Variants in ITGAX observed in about 807,000 individuals in gnomAD.
ITGAX encodes integrin alpha-X.
A neutral mutation model predicts 140.2 loss-of-function variants in ITGAX; 99 were observed. The ratio of observed to expected loss-of-function variants is 0.71; its 90% CI spans 0.60 to 0.83. ITGAX has a LOEUF of 0.83. Ranked by LOEUF, ITGAX falls within the 40% of genes least tolerant of loss-of-function variation. The pLI, the probability that ITGAX is intolerant of heterozygous loss-of-function variation, is 0.00. For missense variants in ITGAX, 1,444 were observed against 1,482.0 expected (o/e 0.97, Z 0.42); for synonymous variants, 631 against 600.4 (o/e 1.05, Z -0.75).
intron 14 of ITGAX, 87 bp downstream of exon 14, chr16:31,363,461 C>T: frequency 6.9e-7 from 1 of 1,451,998 alleles, no homozygotes; most frequent in Non-Finnish European, 9.7e-7. Flanking sequence ...CCCTTTTTAC[C>T]TTTTCCTACC....
intron 17 of ITGAX, 43 bp from the exon 18 acceptor site, chr16:31,372,335 A>T (rs569648566): frequency 1.3e-6 from 2 of 1,574,046 alleles, no homozygotes; most frequent in South Asian, 1.2e-5. Context: ...CGCAGCTCTT[A>T]CCCTCCCCTT....
At chr16:31,375,190 AT>A (rs1445516344) in intron 20 of ITGAX, among the ~76,000 whole-genome samples, 1 of 152,110 alleles carries the variant, frequency 6.6e-6, no homozygotes, top group African/African-American at 2.4e-5. Context: ...TAAGTTTTGC[AT>A]TTTTAGTAGA....
intron 25 of ITGAX, 37 bp downstream of exon 25, chr16:31,379,901 C>T (rs2081052620): frequency 1.2e-6 from 2 of 1,609,154 alleles, no homozygotes; most frequent in Non-Finnish European, 1.7e-6. Flanking sequence ...CCACGAATGC[C>T]CTTTCTACCT....
Position 31,380,997 on chromosome 16 carries a change from T to A in ITGAX, c.3377T>A (p.Val1126Glu). The change falls in exon 29 of 30, where the codon GTA (valine) becomes GAA (glutamate). Residue 1126 changes from valine (V) to glutamate (E), a missense_variant. Coordinates refer to ENST00000268296, the MANE Select transcript of ITGAX (RefSeq NM_000887.5). ...TTGCTGCTGGCACTCATCACAGCGG[T>A]ACTGTACAAAGTGAGTGTTTTATGC... is the stretch of plus-strand genomic sequence containing the variant. ...GLLLLALITAVLYKVGFFKRQ... is the reference protein window; with the variant it reads ...GLLLLALITAELYKVGFFKRQ... 1.2e-5 allele frequency: 20 copies of A among 1,613,244 alleles called. No homozygotes were observed. Among genetic ancestry groups the A allele is most frequent in the Non-Finnish European group, 1.6e-5 (19 of 1,179,206 alleles).
In ITGAX at chr16:31,372,675, G is replaced by C; in HGVS notation, c.2366+5G>C. 6.2e-7 allele frequency: 1 copy of C among 1,613,586 alleles called. No homozygotes were observed. Among genetic ancestry groups the C allele is most frequent in the Non-Finnish European group, 8.5e-7 (1 of 1,179,680 alleles). On this transcript the variant is annotated splice_donor_5th_base_variant and intron_variant, in intron 19 of 29. Transcript: ENST00000268296. ...CATCTCCTTCAGCTTCCCAGGGTGA[G>C]CGCCCCCACCTTAGACCTGCCCTAC...
At chr16:31,370,774 G>C (rs192571226) in intron 14 of ITGAX, among the ~76,000 whole-genome samples, 318 of 152,288 alleles carry the variant, frequency 2.1e-3, no homozygotes, top group African/African-American at 7.4e-3. Flanking sequence ...CGGAGGCACA[G>C]ACAGATTGAG....
chr16:31,366,807 C>G (rs1453243808), intron 14 of ITGAX, among the ~76,000 whole-genome samples: 1 of 152,216 alleles, frequency 6.6e-6, no homozygotes, highest in Non-Finnish European at 1.5e-5. Flanking sequence ...TGGGCCACCA[C>G]GTCTGGCCAC....
intron 29 of ITGAX, among the ~76,000 whole-genome samples, chr16:31,381,512 T>C (rs2081068577): frequency 6.6e-6 from 1 of 152,098 alleles, no homozygotes; most frequent in South Asian, 2.1e-4. Context: ...CTGGCCTACC[T>C]GGTGAAACCC....
At chr16:31,373,427 G>A (rs2080992056) in intron 20 of ITGAX, 37 bp downstream of exon 20, 1 of 1,591,546 alleles carries the variant, frequency 6.3e-7, no homozygotes, top group Non-Finnish European at 8.6e-7. Context: ...GGCAGGGCTG[G>A]GCGTTAGCGT....
At chr16:31,378,234 C>T (rs1391228689) in intron 23 of ITGAX, among the ~76,000 whole-genome samples, 3 of 152,190 alleles carry the variant, frequency 2.0e-5, no homozygotes, top group Non-Finnish European at 4.4e-5. Context: ...TGGGAAGGGG[C>T]AATGCTCAGT....
rs140697269 is a variant in ITGAX at position 31,376,906 on chromosome 16, C to A, written c.2616C>A (p.Gly872=). 972 of 1,614,208 alleles carry A rather than the reference C, an allele frequency of 6.0e-4. No individual in the cohort carries two copies. Among genetic ancestry groups the A allele is most frequent in the Admixed American group, 1.1e-3 (65 of 60,022 alleles). Reference sequence around the variant, plus strand: ...GAATCAACCACCTCATCTTCCGTGGCGGCGCCCAGGTCAGCCTGGCTTCTG... The same window carrying A: ...GAATCAACCACCTCATCTTCCGTGGAGGCGCCCAGGTCAGCCTGGCTTCTG... The part of the protein sequence containing the change: ...SCRINHLIFR[G]GAQITFLATF... The change falls in exon 21 of 30, where the codon GGC becomes GGA. Residue 872 remains glycine, a synonymous_variant. Transcript: ENST00000268296.
At chr16:31,363,700 C>T (rs1475941323) in intron 14 of ITGAX, among the ~76,000 whole-genome samples, 2 of 152,254 alleles carry the variant, frequency 1.3e-5, no homozygotes, top group Admixed American at 1.3e-4. Flanking sequence ...CTGTCTCGGC[C>T]TCCCAAAGTG....
chr16:31,364,066 G>T (rs865968181), intron 14 of ITGAX, among the ~76,000 whole-genome samples: 2 of 152,212 alleles, frequency 1.3e-5, no homozygotes, highest in African/African-American at 2.4e-5. Flanking sequence ...CCCCAAGGGA[G>T]CAGGGTTCCC....
In ITGAX at chr16:31,382,307, G is replaced by C. The variant is rs62051534; in HGVS notation, c.*400G>C. The C allele has an allele frequency of 0.2, 226,181 of 1,110,130 alleles. 24,333 individuals are homozygous for C. The highest frequency in any genetic ancestry group is 0.25 in the East Asian group (7,554 of 30,596). 68.8% of individuals were successfully genotyped at this position (1,110,130 alleles called of 1,614,324 possible). Reference sequence around the variant, plus strand: ...GTCACCCAGGCTGGAGTGCAATGGCGTGATCTCGGCTCACTGCAACCTCCG... The same window carrying C: ...GTCACCCAGGCTGGAGTGCAATGGCCTGATCTCGGCTCACTGCAACCTCCG... On this transcript the variant is annotated 3_prime_UTR_variant, in exon 30 of 30. Coordinates refer to ENST00000268296, the MANE Select transcript of ITGAX (RefSeq NM_000887.5).
At chr16:31,381,365 A>G (rs2081067472) in intron 29 of ITGAX, among the ~76,000 whole-genome samples, 1 of 152,120 alleles carries the variant, frequency 6.6e-6, no homozygotes, top group African/African-American at 2.4e-5. Flanking sequence ...TGATTTCTCA[A>G]TGTGAAGGTG....
intron 17 of ITGAX, 121 bp from the exon 18 acceptor site, chr16:31,372,257 C>T: frequency 8.7e-7 from 1 of 1,151,692 alleles, no homozygotes. Flanking sequence ...GCTGAGCAGG[C>T]TCTGGAGGAA....
chr16:31,370,920 C>T (rs1830673525), intron 14 of ITGAX, among the ~76,000 whole-genome samples, 164 bp from the exon 15 acceptor site: 1 of 152,198 alleles, frequency 6.6e-6, no homozygotes, highest in South Asian at 2.1e-4. Flanking sequence ...GCAATCATCT[C>T]CCAACTCCTA....
intron 7 of ITGAX, 92 bp downstream of exon 7, chr16:31,360,157 C>G: frequency 6.4e-7 from 1 of 1,553,374 alleles, no homozygotes; most frequent in South Asian, 1.2e-5. Context: ...CAGGCAGGGA[C>G]CAAAATCCAG....
At chr16:31,377,505 G>A (rs1320767407) in intron 23 of ITGAX, among the ~76,000 whole-genome samples, 1 of 152,168 alleles carries the variant, frequency 6.6e-6, no homozygotes, top group African/African-American at 2.4e-5. Context: ...GATTTACTGA[G>A]CCCCCATTAT....
Sources: allele counts gnomAD v4.1 joint callset (sites outside exome capture counted in the v4.1 genomes callset), GRCh38; gene constraint gnomAD v4.1.1; transcripts MANE v1.5; gene names NCBI Gene and HGNC (gene_info 2026-07-23, HGNC 2026-07-21).